The following TSHZ1 variants were observed in gnomAD, a reference collection of about 807,000 sequenced individuals.
TSHZ1 encodes teashirt homolog 1.
Under a neutral mutation model 67.1 loss-of-function variants are expected in TSHZ1, and 12 were observed. The observed-to-expected ratio is 0.18, with a 90% CI of 0.11 to 0.29. The LOEUF is 0.29. TSHZ1 is among the 10% of genes least tolerant of loss of function. TSHZ1 has a pLI of 1.00. For synonymous variants in TSHZ1, 632 were observed against 622.4 expected, an observed-to-expected ratio of 1.02 and a Z score of -0.23; for missense variants, 1,305 against 1,413.9, an observed-to-expected ratio of 0.92 and a Z score of 1.23.
At chr18:75,220,200 T>G (rs2022828698) in intron 1 of TSHZ1, among the ~76,000 whole-genome samples, 1 of 152,222 alleles carries the variant, frequency 6.6e-6, no homozygotes. Context: ...AGGGCTAAAG[T>G]GCTAGTTGAC....
intron 1 of TSHZ1, among the ~76,000 whole-genome samples, chr18:75,256,675 A>G (rs545836832): frequency 3.2e-4 from 49 of 152,326 alleles, no homozygotes; most frequent in Middle Eastern, 6.8e-3. Context: ...AAATGTGGGG[A>G]AAAATCTCAT....
intron 1 of TSHZ1, among the ~76,000 whole-genome samples, chr18:75,259,387 A>G (rs1317435508): frequency 6.6e-6 from 1 of 152,164 alleles, no homozygotes; most frequent in Non-Finnish European, 1.5e-5. Context: ...TACAGAAATA[A>G]ATGCATAAGT....
chr18:75,231,910 C>CTTAT (rs74765952), intron 1 of TSHZ1, among the ~76,000 whole-genome samples: 35,084 of 150,950 alleles, frequency 0.23, 4,049 homozygotes, highest in East Asian at 0.33. Flanking sequence ...CATGTGATGC[C>CTTAT]TTATTTATTT....
Position 75,288,583 on chromosome 18 carries a change from C to G in TSHZ1, c.3176C>G (p.Thr1059Ser). 6.2e-7 allele frequency: 1 copy of G among 1,613,328 alleles called. No individual in the cohort carries two copies. Among genetic ancestry groups the G allele is most frequent in the Non-Finnish European group, 8.5e-7 (1 of 1,179,700 alleles). ...KHAVKLHLSK[T>S]HGKSPEDHLI... ...GCAGTCAAACTGCACCTTAGTAAGA[C>G]CCACGGCAAGTCTCCCGAGGACCAC... is the stretch of plus-strand genomic sequence containing the variant. The change falls in exon 2 of 2, where the codon ACC becomes AGC. Residue 1059 changes from threonine to serine, a missense_variant. Transcript: ENST00000580243. The surrounding 1 kb of genome is among the most constrained non-coding windows in gnomAD (Gnocchi z 4.9).
At chr18:75,279,836 G>A (rs148780956) in intron 1 of TSHZ1, among the ~76,000 whole-genome samples, 4 of 152,348 alleles carry the variant, frequency 2.6e-5, no homozygotes, top group Middle Eastern at 3.4e-3. Flanking sequence ...TCTGACTGCT[G>A]GCTGTGGCTG....
rs951618557 is a variant in TSHZ1 at position 75,281,654 on chromosome 18, C to T, written c.41-3794C>T. ...GGCCAGAGAGAGGCTGCAGTAAGAA[C>T]GGGCAAGAGCAGGAGGCAGACCTGG... is the stretch of plus-strand genomic sequence containing the variant. On this transcript the variant is annotated intron_variant, in intron 1 of 1. Coordinates refer to ENST00000580243, the MANE Select transcript of TSHZ1 (RefSeq NM_001308210.2). This position sits in a 1 kb window ranked among gnomAD's most constrained non-coding sequence, Gnocchi z 5.3. 2.6e-5 allele frequency among the ~76,000 whole-genome samples: 4 copies of T among 152,112 alleles called. No individual in the cohort carries two copies. Among genetic ancestry groups the T allele is most frequent in the Non-Finnish European group, 4.4e-5 (3 of 68,004 alleles).
At chr18:75,267,646 C>A (rs1364837719) in intron 1 of TSHZ1, among the ~76,000 whole-genome samples, 3 of 152,154 alleles carry the variant, frequency 2.0e-5, no homozygotes, top group African/African-American at 7.2e-5. Context: ...AGCCGTTTCT[C>A]ACAGAAATGA....
chr18:75,227,303 G>A (rs1227768944), intron 1 of TSHZ1, among the ~76,000 whole-genome samples: 2 of 151,424 alleles, frequency 1.3e-5, no homozygotes, highest in South Asian at 4.2e-4. Context: ...TACTAAACCC[G>A]ATAGATGTTT....
chr18:75,274,262 A>G (rs957006314), intron 1 of TSHZ1, among the ~76,000 whole-genome samples: 1 of 152,090 alleles, frequency 6.6e-6, no homozygotes, highest in Non-Finnish European at 1.5e-5. Context: ...ATTTATTTCT[A>G]TACGTAATTG....
At chr18:75,259,321 C>T (rs1422543550) in intron 1 of TSHZ1, among the ~76,000 whole-genome samples, 4 of 152,160 alleles carry the variant, frequency 2.6e-5, no homozygotes, top group Non-Finnish European at 4.4e-5. Context: ...TTGCTTTCTA[C>T]GATTTTACTC....
At chr18:75,260,613 A>C (rs538880901) in intron 1 of TSHZ1, among the ~76,000 whole-genome samples, 3 of 152,338 alleles carry the variant, frequency 2.0e-5, no homozygotes, top group East Asian at 3.9e-4. Flanking sequence ...AGAGAGACAC[A>C]GGCAGCTGCT....
chr18:75,218,163 A>G (rs750341713), intron 1 of TSHZ1, among the ~76,000 whole-genome samples: 1 of 152,210 alleles, frequency 6.6e-6, no homozygotes, highest in Non-Finnish European at 1.5e-5. Flanking sequence ...AAGGAAAAAA[A>G]TATGTGCATA....
chr18:75,245,697 G>T (rs565122616), intron 1 of TSHZ1, among the ~76,000 whole-genome samples: 9 of 152,258 alleles, frequency 5.9e-5, no homozygotes, highest in African/African-American at 2.2e-4. Flanking sequence ...GACAGATTTT[G>T]TGTTTCACAT....
chr18:75,254,529 TTGTTC>T (rs1201006494), intron 1 of TSHZ1, among the ~76,000 whole-genome samples: 3 of 152,232 alleles, frequency 2.0e-5, no homozygotes, highest in Non-Finnish European at 4.4e-5. Flanking sequence ...TTAAATTTTA[TTGTTC>T]TGTTACACAC....
chr18:75,278,353 C>T (rs936375535), intron 1 of TSHZ1, among the ~76,000 whole-genome samples: 1 of 152,208 alleles, frequency 6.6e-6, no homozygotes, highest in South Asian at 2.1e-4. Context: ...TTGCCTAGTA[C>T]GGAGGCCAAG....
At chr18:75,225,350 AG>A (rs1237490120) in intron 1 of TSHZ1, among the ~76,000 whole-genome samples, 1 of 152,216 alleles carries the variant, frequency 6.6e-6, no homozygotes, top group African/African-American at 2.4e-5. Flanking sequence ...ACTGTTTGTG[AG>A]TGAGGCCTGG....
At chr18:75,224,585 C>T (rs1446434401) in intron 1 of TSHZ1, among the ~76,000 whole-genome samples, 1 of 152,104 alleles carries the variant, frequency 6.6e-6, no homozygotes, top group Non-Finnish European at 1.5e-5. Flanking sequence ...TGTATGATCC[C>T]CCCCTCCCCG....
intron 1 of TSHZ1, among the ~76,000 whole-genome samples, chr18:75,259,419 A>C (rs1300069678): frequency 6.6e-6 from 1 of 152,190 alleles, no homozygotes; most frequent in Non-Finnish European, 1.5e-5. Context: ...TGCCATTCTG[A>C]GTAGTGTGAT....
intron 1 of TSHZ1, among the ~76,000 whole-genome samples, chr18:75,248,955 C>A (rs1021398575): frequency 6.6e-5 from 10 of 152,180 alleles, no homozygotes; most frequent in Admixed American, 6.5e-4. Flanking sequence ...GAGCCACCTC[C>A]GCGTGGGAGG....
Sources: gnomAD v4.1 joint callset for allele counts (sites outside exome capture counted in the v4.1 genomes callset) on GRCh38, gnomAD v4.1.1 for gene constraint, Gnocchi (gnomAD v3.1) non-coding constraint, MANE v1.5 for transcripts, NCBI Gene and HGNC (gene_info 2026-07-23, HGNC 2026-07-21) for gene names.